NPSR1: variants seen among roughly 807,000 people sequenced by gnomAD.
NPSR1 encodes neuropeptide S receptor.
NPSR1 carries 48 observed loss-of-function variants against 46.9 expected under a neutral mutation model. The ratio of observed to expected loss-of-function variants is 1.02; its 90% CI spans 0.81 to 1.30. The LOEUF (loss-of-function observed/expected upper bound fraction) is 1.30. Ranked by LOEUF, NPSR1 falls within the 50% of genes most tolerant of loss-of-function variation. The pLI is 0.00. For missense variants in NPSR1, 450 were observed against 449.5 expected (o/e 1.00, Z -0.01); for synonymous variants, 176 against 168.1 (o/e 1.05, Z -0.36).
chr7:34,792,040 T>C (rs1787905162), intron 3 of NPSR1, among the ~76,000 whole-genome samples: 1 of 152,032 alleles, frequency 6.6e-6, no homozygotes, highest in African/African-American at 2.4e-5. Flanking sequence ...AACCCTTAAC[T>C]TATACAATAC....
intron 2 of NPSR1, among the ~76,000 whole-genome samples, chr7:34,686,659 C>T (rs1792942231): frequency 6.6e-6 from 1 of 152,106 alleles, no homozygotes; most frequent in Non-Finnish European, 1.5e-5. Flanking sequence ...CTCTCTCTCA[C>T]CAGTATCTCA....
At chr7:34,856,202 A>C (rs1791044826) in intron 8 of NPSR1, among the ~76,000 whole-genome samples, 1 of 148,716 alleles carries the variant, frequency 6.7e-6, no homozygotes. Flanking sequence ...ATTCATAATA[A>C]ATAATAAAAA....
chr7:34,751,698 G>A (rs956957446), intron 2 of NPSR1: 14 of 1,587,464 alleles, frequency 8.8e-6, no homozygotes, highest in East Asian at 2.2e-5. Context: ...ACAGGAAAGT[G>A]GGGAGCATTG....
intron 8 of NPSR1, among the ~76,000 whole-genome samples, chr7:34,876,409 T>C (rs932690659): frequency 7.9e-5 from 12 of 152,330 alleles, no homozygotes; most frequent in Non-Finnish European, 4.4e-5. Flanking sequence ...AAATGAAGCA[T>C]AGGAAAGTAC....
intron 2 of NPSR1, among the ~76,000 whole-genome samples, chr7:34,728,983 T>C (rs1170856439): frequency 6.6e-6 from 1 of 152,216 alleles, no homozygotes; most frequent in Admixed American, 6.5e-5. Flanking sequence ...TTAGAATTTA[T>C]AGTGGACCCA....
chr7:34,861,588 T>C (rs1791193282), intron 8 of NPSR1, among the ~76,000 whole-genome samples: 1 of 151,890 alleles, frequency 6.6e-6, no homozygotes, highest in South Asian at 2.1e-4. Context: ...TTATTCAATG[T>C]TGTATTCCCA....
intron 8 of NPSR1, among the ~76,000 whole-genome samples, chr7:34,860,488 CA>C (rs1791163720): frequency 6.6e-6 from 1 of 151,780 alleles, no homozygotes; most frequent in African/African-American, 2.4e-5. Flanking sequence ...TAACTATTTT[CA>C]ACAAAATTTA....
intron 2 of NPSR1, among the ~76,000 whole-genome samples, chr7:34,766,212 T>C (rs1786422290): frequency 1.3e-5 from 2 of 152,220 alleles, no homozygotes; most frequent in African/African-American, 4.8e-5. Flanking sequence ...TGCTAGAAAG[T>C]GTGTGCAACC....
chr7:34,829,833 G>C (rs1314465481), intron 5 of NPSR1, among the ~76,000 whole-genome samples: 2 of 152,206 alleles, frequency 1.3e-5, no homozygotes, highest in Non-Finnish European at 1.5e-5. Flanking sequence ...GTTTCCCTCA[G>C]CTCTCACCAA....
chr7:34,738,658 C>A (rs2128717718), intron 2 of NPSR1, among the ~76,000 whole-genome samples: 1 of 152,124 alleles, frequency 6.6e-6, no homozygotes, highest in South Asian at 2.1e-4. Flanking sequence ...TTGTTCCCTG[C>A]TTTTGTCTTC....
Position 34,719,556 on chromosome 7 carries a change from G to A in NPSR1, c.280+34872G>A, listed in dbSNP as rs1029173884. Reference sequence around the variant, plus strand: ...ACATGCTGTCTCTATGCACTGCTAAGACATTTCAGAAACATTATGGGAAAT... The same window carrying A: ...ACATGCTGTCTCTATGCACTGCTAAAACATTTCAGAAACATTATGGGAAAT... On this transcript the variant is annotated intron_variant, in intron 2 of 8. Transcript: ENST00000360581. 11 of 152,296 alleles carry A rather than the reference G, an allele frequency of 7.2e-5. No homozygotes were observed. In the East Asian group the frequency reaches 1.7e-3, roughly 24 times the overall value. The allele number at this position is 152,296 out of a possible 1,614,324, so 9.4% of individuals were successfully genotyped here. A position where few individuals can be genotyped will look rare whatever the true frequency, so the allele number is the denominator to read the frequency against.
At chr7:34,774,296 T>A (rs1364125936) in intron 2 of NPSR1, among the ~76,000 whole-genome samples, 1 of 152,144 alleles carries the variant, frequency 6.6e-6, no homozygotes. Context: ...TAGCCATAAG[T>A]GTGAGCTATG....
chr7:34,677,322 G>T (rs1010912905), intron 1 of NPSR1, among the ~76,000 whole-genome samples: 1 of 152,174 alleles, frequency 6.6e-6, no homozygotes, highest in African/African-American at 2.4e-5. Flanking sequence ...CGCTCTATGT[G>T]AAAAGCAGAC....
At chr7:34,848,450 T>C (rs1652710782) in intron 7 of NPSR1, 33 bp from the exon 8 acceptor site, 1 of 1,604,308 alleles carries the variant, frequency 6.2e-7, no homozygotes, top group African/African-American at 1.3e-5. Context: ...AACTGCTACC[T>C]GCTGTGATGC....
intron 2 of NPSR1, among the ~76,000 whole-genome samples, chr7:34,737,360 C>T (rs1009550480): frequency 2.6e-5 from 4 of 152,126 alleles, no homozygotes; most frequent in African/African-American, 7.2e-5. Flanking sequence ...AAAACACAAA[C>T]GAAAAAGAAG....
intron 6 of NPSR1, among the ~76,000 whole-genome samples, chr7:34,836,678 G>C (rs977762482): frequency 6.1e-5 from 9 of 148,716 alleles, no homozygotes; most frequent in African/African-American, 2.2e-4. Flanking sequence ...AAGAAAGAGA[G>C]AGAGGGAGGG....
chr7:34,685,006 TC>T (rs1347855402), intron 2 of NPSR1, among the ~76,000 whole-genome samples: 2 of 152,224 alleles, frequency 1.3e-5, no homozygotes, highest in African/African-American at 2.4e-5. Flanking sequence ...TACCATATCA[TC>T]CTGCATTATA....
intron 7 of NPSR1, among the ~76,000 whole-genome samples, chr7:34,847,901 A>G (rs1284563344): frequency 1.3e-5 from 2 of 152,182 alleles, no homozygotes; most frequent in African/African-American, 4.8e-5. Flanking sequence ...TTTGGGGCCA[A>G]ATAAACTGGT....
At chr7:34,802,221 A>C (rs1788456802) in intron 3 of NPSR1, among the ~76,000 whole-genome samples, 1 of 150,338 alleles carries the variant, frequency 6.7e-6, no homozygotes, top group Non-Finnish European at 1.5e-5. Flanking sequence ...ACTACTTTAA[A>C]CTTCATATGG....
Sources: gnomAD v4.1 joint callset for allele counts (sites outside exome capture counted in the v4.1 genomes callset) on GRCh38, gnomAD v4.1.1 for gene constraint, MANE v1.5 for transcripts, NCBI Gene and HGNC (gene_info 2026-07-23, HGNC 2026-07-21) for gene names.